Variants in IGFL2 observed in about 807,000 individuals in gnomAD.
IGFL2 encodes the protein IGF like family member 2.
In IGFL2, 7 loss-of-function variants were observed where a neutral mutation model predicts 13.9. That is an observed-to-expected ratio of 0.51 (90% CI 0.29 to 0.95). The LOEUF (loss-of-function observed/expected upper bound fraction) is 0.95. IGFL2 is among the 40% of genes least tolerant of loss of function. The probability of loss-of-function intolerance (pLI) is 0.08; values close to 1 mark genes in which losing one functional copy is unlikely to be tolerated. For synonymous variants in IGFL2, 55 were observed against 55.8 expected (o/e 0.99, Z 0.07); for missense variants, 138 against 147.8 (o/e 0.93, Z 0.34).
chr19:46,158,424 C>T lies in IGFL2; in HGVS notation c.20-1991C>T, dbSNP rs186951015. Among the ~76,000 whole-genome samples the T allele has an allele frequency of 2.4e-4, 36 of 151,916 alleles. No homozygotes were observed. The East Asian group carries it at 5.8e-3, about 25-fold the overall frequency. On this transcript the variant is annotated intron_variant, in intron 1 of 3. Transcript: ENST00000377693. ...TGGGGTTTCACCCTGTTAGCCAGGA[C>T]GGTCTTGATCTCCTGACCTCGTGAT...
the IGFL2 span, among the ~76,000 whole-genome samples, chr19:46,182,061 G>A: frequency 6.6e-6 from 1 of 151,966 alleles, no homozygotes. Context: ...TTTTTGAATG[G>A]TATTTTCAGT....
the IGFL2 span, chr19:46,124,640 G>A: frequency 5.0e-6 from 8 of 1,608,864 alleles, no homozygotes; most frequent in Admixed American, 8.4e-5. Flanking sequence ...ATGCAGCATC[G>A]TGGCCTCATG....
the IGFL2 span, among the ~76,000 whole-genome samples, chr19:46,129,985 A>G: frequency 1.3e-5 from 2 of 152,064 alleles, no homozygotes; most frequent in Non-Finnish European, 2.9e-5. Flanking sequence ...CTATTATTGT[A>G]TGGATGTCTA....
chr19:46,152,858 T>A (rs894779474), intron 1 of IGFL2, among the ~76,000 whole-genome samples: 1 of 152,222 alleles, frequency 6.6e-6, no homozygotes, highest in Non-Finnish European at 1.5e-5. Flanking sequence ...TATTCCTAGT[T>A]TGTTCTTTGT....
intron 1 of IGFL2, among the ~76,000 whole-genome samples, chr19:46,157,652 A>G (rs1190867728): frequency 6.6e-6 from 1 of 152,246 alleles, no homozygotes; most frequent in African/African-American, 2.4e-5. Flanking sequence ...AAGTCCATCT[A>G]CAAAAACCCT....
chr19:46,191,806 C>T, the IGFL2 span, among the ~76,000 whole-genome samples: 2 of 152,084 alleles, frequency 1.3e-5, no homozygotes, highest in Admixed American at 1.3e-4. Flanking sequence ...GCTCTCTTCT[C>T]CCCCCATCAT....
the IGFL2 span, among the ~76,000 whole-genome samples, chr19:46,215,021 G>T: frequency 1.3e-5 from 2 of 152,058 alleles, no homozygotes; most frequent in Non-Finnish European, 2.9e-5. Flanking sequence ...TCCCATCAGT[G>T]TGGCAACAGG....
the IGFL2 span, among the ~76,000 whole-genome samples, chr19:46,118,200 C>A: frequency 6.6e-6 from 1 of 152,082 alleles, no homozygotes; most frequent in Non-Finnish European, 1.5e-5. Context: ...TTTCAAACTT[C>A]TATAAATTGG....
At chr19:46,181,298 CT>C in the IGFL2 span, 1 of 152,162 alleles carries the variant, frequency 6.6e-6, no homozygotes, top group African/African-American at 2.4e-5. Context: ...ACAAGGGAAA[CT>C]GACCCTCCTT....
chr19:46,079,416 T>C, the IGFL2 span, among the ~76,000 whole-genome samples: 2,048 of 152,302 alleles, frequency 0.013, 32 homozygotes, highest in Middle Eastern at 0.027. Context: ...GTGCGTACCA[T>C]GGTGCACCTG....
the IGFL2 span, among the ~76,000 whole-genome samples, chr19:46,101,605 G>A: frequency 6.6e-6 from 1 of 152,266 alleles, no homozygotes; most frequent in Non-Finnish European, 1.5e-5. Flanking sequence ...CCGAGCTGTA[G>A]TGATGGCTGT....
At chr19:46,174,109 G>C in the IGFL2 span, 1 of 152,282 alleles carries the variant, frequency 6.6e-6, no homozygotes, top group East Asian at 1.9e-4. Flanking sequence ...GCCTGCCTGG[G>C]CTGAGAAAGG....
At chr19:46,135,508 T>C in the IGFL2 span, among the ~76,000 whole-genome samples, 1 of 152,044 alleles carries the variant, frequency 6.6e-6, no homozygotes, top group Non-Finnish European at 1.5e-5. Context: ...GAGGGTTAGA[T>C]AAAAGGTTTC....
chr19:46,092,336 AT>A, the IGFL2 span, among the ~76,000 whole-genome samples: 47 of 146,684 alleles, frequency 3.2e-4, no homozygotes, highest in South Asian at 8.7e-4. Flanking sequence ...ATTAAAAAAA[AT>A]TTTTTTTTTT....
At chr19:46,170,309 G>C in the IGFL2 span, among the ~76,000 whole-genome samples, 1 of 152,118 alleles carries the variant, frequency 6.6e-6, no homozygotes, top group Non-Finnish European at 1.5e-5. Context: ...AAATTGTGAA[G>C]ATTTCATGGA....
chr19:46,165,595 AG>A (rs1974362775), downstream of IGFL2, among the ~76,000 whole-genome samples: 3 of 152,322 alleles, frequency 2.0e-5, no homozygotes, highest in South Asian at 6.2e-4. Flanking sequence ...CAGCTGAAGG[AG>A]GGCCTTTGAC....
rs781372139 is a variant in IGFL2, at chr19:46,159,179, G to C, written c.20-1236G>C. 6 of 152,316 alleles carry C rather than the reference G, an allele frequency of 3.9e-5. No individual in the cohort carries two copies. In the East Asian group the frequency reaches 5.8e-4, roughly 15 times the overall value. 9.4% of individuals were successfully genotyped at this position (152,316 alleles called of 1,614,324 possible). On this transcript the variant is annotated intron_variant, in intron 1 of 3. Transcript: ENST00000377693. ...TGCCTGTGCACTTCTGCTAGATCACGTGAAAACTGTGGATATGACTCCAAA... is the reference window on the plus strand; with the variant it reads ...TGCCTGTGCACTTCTGCTAGATCACCTGAAAACTGTGGATATGACTCCAAA...
chr19:46,139,103 C>T (rs1370661975), upstream of IGFL2, among the ~76,000 whole-genome samples: 1 of 152,076 alleles, frequency 6.6e-6, no homozygotes, highest in Non-Finnish European at 1.5e-5. Flanking sequence ...TAACTCCCCA[C>T]TTCCCCAGGA....
the IGFL2 span, among the ~76,000 whole-genome samples, chr19:46,105,519 T>TA: frequency 6.6e-6 from 1 of 152,040 alleles, no homozygotes; most frequent in Non-Finnish European, 1.5e-5. Context: ...ATCAGAGAGA[T>TA]ACAGTTATGG....
Sources: allele counts gnomAD v4.1 joint callset (sites outside exome capture counted in the v4.1 genomes callset), GRCh38; gene constraint gnomAD v4.1.1; transcripts MANE v1.5; gene names NCBI Gene and HGNC (gene_info 2026-07-23, HGNC 2026-07-21).